The following RAB7A variants were observed in gnomAD, a reference collection of about 807,000 sequenced individuals.
RAB7A encodes RAB7A, member RAS oncogene family, also known as ras-related protein Rab-7a.
In RAB7A, 2 loss-of-function variants were observed where a neutral mutation model predicts 24.5. The observed-to-expected ratio is 0.08, with a 90% CI of 0.03 to 0.26. RAB7A has a LOEUF of 0.26. RAB7A is among the 10% of genes least tolerant of loss of function. The pLI, the probability that RAB7A is intolerant of heterozygous loss-of-function variation, is 1.00. For missense variants in RAB7A, 118 were observed against 255.7 expected, an observed-to-expected ratio of 0.46 and a Z score of 3.67; for synonymous variants, 100 against 95.9, an observed-to-expected ratio of 1.04 and a Z score of -0.25.
At chr3:128,768,894 A>G (rs2070857588) in intron 1 of RAB7A, among the ~76,000 whole-genome samples, 1 of 151,006 alleles carries the variant, frequency 6.6e-6, no homozygotes, top group African/African-American at 2.4e-5. Flanking sequence ...ACAAGGTTGT[A>G]CAACCGTCAC....
chr3:128,793,355 A>G (rs1196667082), intron 1 of RAB7A, among the ~76,000 whole-genome samples: 2 of 151,084 alleles, frequency 1.3e-5, no homozygotes, highest in Non-Finnish European at 2.9e-5. Context: ...GGGTTTCATC[A>G]TGTTAGCCAG....
At chr3:128,775,035 G>A (rs1473998408) in intron 1 of RAB7A, among the ~76,000 whole-genome samples, 1 of 152,182 alleles carries the variant, frequency 6.6e-6, no homozygotes, top group Non-Finnish European at 1.5e-5. Flanking sequence ...ACCCACCTTG[G>A]CCTCCCAAAG....
chr3:128,766,411 G>A (rs750224677), intron 1 of RAB7A, among the ~76,000 whole-genome samples: 1 of 152,164 alleles, frequency 6.6e-6, no homozygotes, highest in Non-Finnish European at 1.5e-5. Flanking sequence ...CAGAAGACAG[G>A]TCTTTCACTA....
intron 1 of RAB7A, among the ~76,000 whole-genome samples, chr3:128,730,353 C>A (rs551318286): frequency 1.6e-4 from 25 of 152,116 alleles, no homozygotes; most frequent in African/African-American, 6.0e-4. Flanking sequence ...CCTCAGCCTC[C>A]CGAGTAGCTG....
intron 1 of RAB7A, among the ~76,000 whole-genome samples, chr3:128,758,359 G>T (rs977642435): frequency 3.4e-5 from 5 of 148,222 alleles, no homozygotes; most frequent in African/African-American, 1.2e-4. Flanking sequence ...TGCAAGCTCC[G>T]CCTTCCAGGT....
chr3:128,732,867 A>G lies in RAB7A; in HGVS notation c.-9+6508A>G, dbSNP rs1209952748. On this transcript the variant is annotated intron_variant, in intron 1 of 5. Transcript: ENST00000265062. ...GAACTCTCCCCAAAAATGATGTGAG[A>G]ATTTAACTGTGGAGGAGACCAGATA... Among the ~76,000 whole-genome samples the G allele has an allele frequency of 1.3e-5, 2 of 148,624 alleles. 1 individual carries two copies.
At chr3:128,771,715 A>G (rs1362682013) in intron 1 of RAB7A, among the ~76,000 whole-genome samples, 5 of 152,214 alleles carry the variant, frequency 3.3e-5, no homozygotes, top group Admixed American at 2.6e-4. Context: ...GGTTTTTGCA[A>G]TTACTTTTAA....
In RAB7A at chr3:128,814,019, A is replaced by G. The variant is rs1933985558; in HGVS notation, c.*597A>G. 1 of 160,662 alleles carries G rather than the reference A, an allele frequency of 6.2e-6. No individual in the cohort carries two copies. Among genetic ancestry groups the G allele is most frequent in the African/African-American group, 2.4e-5 (1 of 41,502 alleles). 10.0% of individuals were successfully genotyped at this position (160,662 alleles called of 1,614,324 possible). A position where few individuals can be genotyped will look rare whatever the true frequency, so the allele number is the denominator to read the frequency against. On this transcript the variant is annotated 3_prime_UTR_variant, in exon 6 of 6. Transcript: ENST00000265062. ...GATCTTTTTACAGTATCCATTTATT[A>G]TGTAATGCTTCTTAGAAAAGAATCT... is the stretch of plus-strand genomic sequence containing the variant.
intron 5 of RAB7A, among the ~76,000 whole-genome samples, chr3:128,812,233 G>A (rs1933943721): frequency 6.6e-6 from 1 of 152,198 alleles, no homozygotes; most frequent in African/African-American, 2.4e-5. Flanking sequence ...TCCTGCCTCA[G>A]CCTCCTGAGT....
At chr3:128,773,592 A>T (rs942096184) in intron 1 of RAB7A, among the ~76,000 whole-genome samples, 8 of 152,236 alleles carry the variant, frequency 5.3e-5, no homozygotes, top group Non-Finnish European at 7.4e-5. Context: ...TGGGAGGTGT[A>T]CCCAACAGCT....
At chr3:128,753,346 G>C (rs76568185) in intron 1 of RAB7A, among the ~76,000 whole-genome samples, 5 of 151,296 alleles carry the variant, frequency 3.3e-5, no homozygotes, top group African/African-American at 9.7e-5. Context: ...TATTGGTGGG[G>C]AAGCAGATAG....
At chr3:128,774,471 T>C (rs1025526570) in intron 1 of RAB7A, among the ~76,000 whole-genome samples, 1 of 152,070 alleles carries the variant, frequency 6.6e-6, no homozygotes, top group African/African-American at 2.4e-5. Context: ...CTTTTTTTTT[T>C]TTCTCCCAGA....
chr3:128,805,619 T>C (rs1294043249), intron 3 of RAB7A, among the ~76,000 whole-genome samples: 4 of 152,204 alleles, frequency 2.6e-5, no homozygotes, highest in African/African-American at 9.6e-5. Flanking sequence ...ACAAATGAAA[T>C]ATAACATGCT....
In RAB7A at chr3:128,753,677, T is replaced by G. The variant is rs990614503; in HGVS notation, c.-9+27318T>G. Among the ~76,000 whole-genome samples the G allele has an allele frequency of 2.6e-5, 4 of 152,332 alleles. No individual in the cohort carries two copies. The South Asian group carries it at 8.3e-4, about 32-fold the overall frequency. On this transcript the variant is annotated intron_variant, in intron 1 of 5. Transcript: ENST00000265062. ...TGCCCTCTGCTTTCAAGATGGTCCC[T>G]TGTTTCTGTGTCCTCACTTGGCAGA... is the stretch of plus-strand genomic sequence containing the variant.
At chr3:128,759,919 A>G (rs2070763878) in intron 1 of RAB7A, among the ~76,000 whole-genome samples, 2 of 152,144 alleles carry the variant, frequency 1.3e-5, no homozygotes, top group Non-Finnish European at 2.9e-5. Flanking sequence ...CATATTGGTC[A>G]GGCTGGTCTC....
At chr3:128,784,458 C>G (rs755645506) in intron 1 of RAB7A, among the ~76,000 whole-genome samples, 1 of 152,194 alleles carries the variant, frequency 6.6e-6, no homozygotes, top group Non-Finnish European at 1.5e-5. Flanking sequence ...AGCATCCTCA[C>G]TGTCCACCGC....
intron 1 of RAB7A, among the ~76,000 whole-genome samples, chr3:128,746,911 G>A (rs1048336771): frequency 1.3e-5 from 2 of 151,688 alleles, no homozygotes; most frequent in African/African-American, 2.4e-5. Flanking sequence ...ATGTTAGTTA[G>A]CTTAACTTAA....
chr3:128,808,533 C>T (rs1241817963), intron 5 of RAB7A, among the ~76,000 whole-genome samples: 2 of 152,098 alleles, frequency 1.3e-5, no homozygotes, highest in Non-Finnish European at 2.9e-5. Context: ...AAGTAAACAA[C>T]ACAAAGAAGG....
rs1933986948 is a variant in RAB7A at position 128,814,102 on chromosome 3, C to A, written c.*680C>A. On this transcript the variant is annotated 3_prime_UTR_variant, in exon 6 of 6. Transcript: ENST00000265062. ...AATGTATAAATTAGTGTAAGAAATT[C>A]TTGGATTATGTGTTTAAGTCCTGTA... 1 of 156,478 alleles carries A rather than the reference C, an allele frequency of 6.4e-6. No individual in the cohort carries two copies. The allele number at this position is 156,478 out of a possible 1,614,324, so 9.7% of individuals were successfully genotyped here. A position where few individuals can be genotyped will look rare whatever the true frequency, so the allele number is the denominator to read the frequency against.
Sources: allele counts gnomAD v4.1 joint callset (sites outside exome capture counted in the v4.1 genomes callset), GRCh38; gene constraint gnomAD v4.1.1; transcripts MANE v1.5; gene names NCBI Gene and HGNC (gene_info 2026-07-23, HGNC 2026-07-21).